Variants in LRRC37A2 observed in about 807,000 individuals in gnomAD.
The protein encoded by LRRC37A2 is leucine-rich repeat-containing protein 37A2.
LRRC37A2 carries 9 observed loss-of-function variants against 68.8 expected under a neutral mutation model. The ratio of observed to expected loss-of-function variants is 0.13; its 90% CI spans 0.08 to 0.23. The LOEUF (loss-of-function observed/expected upper bound fraction) is 0.23. Among genes scored for constraint, LRRC37A2 ranks in the 10% least tolerant of loss-of-function variants. The pLI, the probability that LRRC37A2 is intolerant of heterozygous loss-of-function variation, is 1.00. For synonymous variants in LRRC37A2, 63 were observed against 367.6 expected, an observed-to-expected ratio of 0.17 and a Z score of 9.48; for missense variants, 168 against 950.4, an observed-to-expected ratio of 0.18 and a Z score of 10.82.
the LRRC37A2 span, chr17:46,935,647 T>G: frequency 2.0e-6 from 2 of 1,001,738 alleles, no homozygotes; most frequent in South Asian, 4.4e-5. Context: ...TGCCTGGTTG[T>G]TTGCAGTAGA....
At chr17:46,886,317 G>A in the LRRC37A2 span, 3 of 152,230 alleles carry the variant, frequency 2.0e-5, no homozygotes, top group African/African-American at 4.8e-5. Context: ...GAGGTTAAAT[G>A]AGAGAAGACA....
At chr17:46,610,062 TCTTTC>T in the LRRC37A2 span, among the ~76,000 whole-genome samples, 2 of 136,580 alleles carry the variant, frequency 1.5e-5, no homozygotes, top group African/African-American at 5.4e-5. Context: ...TTTCTTTCTT[TCTTTC>T]CTTTCTTTCC....
At chr17:46,562,239 A>AC in the LRRC37A2 span, among the ~76,000 whole-genome samples, 3 of 32,130 alleles carry the variant, frequency 9.3e-5, 1 homozygote, top group East Asian at 1.1e-3. Context: ...GTCTTTAACA[A>AC]AAAAAAAAAA....
the LRRC37A2 span, among the ~76,000 whole-genome samples, chr17:46,779,104 C>CACACA: frequency 4.8e-4 from 63 of 130,746 alleles, no homozygotes; most frequent in South Asian, 6.9e-4. Context: ...CACACACACA[C>CACACA]CCCAGCCCAC....
chr17:46,890,542 A>G, the LRRC37A2 span, among the ~76,000 whole-genome samples: 6,731 of 152,220 alleles, frequency 0.044, 330 homozygotes, highest in African/African-American at 0.12. Context: ...CTGGGACCAC[A>G]TTTGGTCACT....
the LRRC37A2 span, among the ~76,000 whole-genome samples, chr17:46,784,757 G>A: frequency 6.7e-6 from 1 of 149,610 alleles, no homozygotes; most frequent in Non-Finnish European, 1.5e-5. Context: ...CCTCCTCTGC[G>A]CTTTCCCCTT....
the LRRC37A2 span, among the ~76,000 whole-genome samples, chr17:46,988,173 A>AAAAC: frequency 4.4e-4 from 67 of 152,266 alleles, no homozygotes; most frequent in Non-Finnish European, 7.5e-4. Context: ...ACTGTCTCAA[A>AAAAC]AAACAAACAA....
the LRRC37A2 span, among the ~76,000 whole-genome samples, chr17:47,032,683 G>A: frequency 2.0e-5 from 3 of 151,578 alleles, no homozygotes; most frequent in Non-Finnish European, 4.4e-5. Context: ...GCTGAGCACC[G>A]GCACTGTGTC....
chr17:46,864,514 A>G, the LRRC37A2 span, among the ~76,000 whole-genome samples: 2 of 152,172 alleles, frequency 1.3e-5, no homozygotes, highest in Non-Finnish European at 2.9e-5. Context: ...TGAGTTTCAG[A>G]CCAGGGAAAG....
At chr17:47,020,116 A>C in the LRRC37A2 span, among the ~76,000 whole-genome samples, 1 of 150,680 alleles carries the variant, frequency 6.6e-6, no homozygotes, top group Non-Finnish European at 1.5e-5. Context: ...CCCTCTCCCG[A>C]TCTCAGTGAT....
the LRRC37A2 span, among the ~76,000 whole-genome samples, chr17:46,502,374 G>A: frequency 3.3e-5 from 5 of 151,234 alleles, no homozygotes; most frequent in East Asian, 3.9e-4. Context: ...GCAATGGCCC[G>A]GTCTCTGCTC....
the LRRC37A2 span, among the ~76,000 whole-genome samples, chr17:46,900,182 T>TACATATATAC: frequency 8.2e-6 from 1 of 122,262 alleles, no homozygotes; most frequent in African/African-American, 4.2e-5. Flanking sequence ...TATATATATA[T>TACATATATAC]ATATATATAT....
At chr17:46,875,128 C>T in the LRRC37A2 span, 42 of 1,613,802 alleles carry the variant, frequency 2.6e-5, no homozygotes, top group South Asian at 5.5e-5. Context: ...TTCCTGTACG[C>T]GGTGTCCTCT....
the LRRC37A2 span, chr17:47,010,821 T>C: frequency 6.6e-6 from 1 of 152,246 alleles, no homozygotes; most frequent in African/African-American, 2.4e-5. Context: ...ACTGTCTTCC[T>C]TGAGAAAACC....
At chr17:46,824,849 A>C in the LRRC37A2 span, among the ~76,000 whole-genome samples, 1 of 151,382 alleles carries the variant, frequency 6.6e-6, no homozygotes, top group Admixed American at 6.6e-5. Context: ...ACTCCAACCC[A>C]CCCCAGCTAC....
At chr17:46,666,120 A>G in the LRRC37A2 span, among the ~76,000 whole-genome samples, 3 of 151,062 alleles carry the variant, frequency 2.0e-5, no homozygotes, top group African/African-American at 7.3e-5. Flanking sequence ...AGTAGTTGCA[A>G]TTGGCAAGAT....
At chr17:46,492,603 A>G in the LRRC37A2 span, among the ~76,000 whole-genome samples, 1 of 148,198 alleles carries the variant, frequency 6.7e-6, no homozygotes. Flanking sequence ...TAGCTGTACC[A>G]TTTTGCATTC....
At chr17:46,884,603 C>T in the LRRC37A2 span, among the ~76,000 whole-genome samples, 1 of 152,198 alleles carries the variant, frequency 6.6e-6, no homozygotes, top group Admixed American at 6.5e-5. Flanking sequence ...AGTTGTTTTG[C>T]GCAGGCTTCA....
chr17:46,826,229 C>G, the LRRC37A2 span, among the ~76,000 whole-genome samples: 411 of 152,358 alleles, frequency 2.7e-3, 2 homozygotes, highest in African/African-American at 9.4e-3. Context: ...CTCCACAGAC[C>G]AGTATGGCCA....
Sources: gnomAD v4.1 joint callset for allele counts (sites outside exome capture counted in the v4.1 genomes callset) on GRCh38, gnomAD v4.1.1 for gene constraint, MANE v1.5 for transcripts, NCBI Gene and HGNC (gene_info 2026-07-23, HGNC 2026-07-21) for gene names.